The following TMEM130 variants were observed in gnomAD, a reference collection of about 807,000 sequenced individuals.
TMEM130 encodes the protein transmembrane protein 130.
In TMEM130, 37 loss-of-function variants were observed where a neutral mutation model predicts 42.9. That is an observed-to-expected ratio of 0.86 (90% CI 0.66 to 1.13). The LOEUF (loss-of-function observed/expected upper bound fraction) is 1.13, where lower values mean the gene tolerates loss of function less well. TMEM130 is among the 50% of genes most tolerant of loss of function. TMEM130 has a pLI of 0.00. For missense variants in TMEM130, 545 were observed against 562.6 expected (o/e 0.97, Z 0.32); for synonymous variants, 259 against 237.7 (o/e 1.09, Z -0.82).
chr7:98,866,747 C>A (rs1554400680), intron 1 of TMEM130: 1 of 152,246 alleles, frequency 6.6e-6, no homozygotes, highest in Non-Finnish European at 1.5e-5. Context: ...CTCACACGTT[C>A]GCTGCTTTGG....
chr7:98,860,268 C>G lies in TMEM130; in HGVS notation c.462G>C (p.Lys154Asn), dbSNP rs1323992670. The change falls in exon 3 of 8, where the codon AAG (lysine) becomes AAC (asparagine). Residue 154 changes from lysine to asparagine, a missense_variant. Physicochemically the swap from Lys to Asn is moderately conservative, Grantham distance 94. Transcript: ENST00000339375. ...GGAGGAAGGAGACTTTCAGGACGGT[C>G]TTAGTGAGATAGGAGCTGGGCCAGG... ...SLPWPSSYLT[K>N]TVLKVSFLLH... is the part of the protein sequence containing the mutation. The G allele has an allele frequency of 2.5e-6, 4 of 1,613,338 alleles. No homozygotes were observed. The Admixed American group carries it at 6.7e-5, about 27-fold the overall frequency.
At chr7:98,852,381 C>T (rs962431594) in intron 5 of TMEM130, among the ~76,000 whole-genome samples, 1 of 152,122 alleles carries the variant, frequency 6.6e-6, no homozygotes, top group South Asian at 2.1e-4. Flanking sequence ...CCGCCCGCCT[C>T]GGCCTCCCAA....
Position 98,863,383 on chromosome 7 carries a change from G to A in TMEM130, c.103C>T (p.Leu35Phe). 6.3e-7 allele frequency: 1 copy of A among 1,594,954 alleles called. No homozygotes were observed. The highest frequency in any genetic ancestry group is 1.1e-5 in the South Asian group (1 of 90,282). Reference protein sequence around the residue: ...GVAAGLYELNLTTDSPATTGA... With the variant: ...GVAAGLYELNFTTDSPATTGA... ...GTGGTGGCAGGGCTATCGGTGGTGA[G>A]ATTGAGTTCATACAGGCCTAGGAGC... Residue 35 changes from leucine (L) to phenylalanine (F), a missense_variant, in exon 2 of 8, where the codon CTC (leucine) becomes TTC (phenylalanine). Leu to Phe is a conservative substitution (Grantham distance 22). Coordinates refer to ENST00000339375, the MANE Select transcript of TMEM130 (RefSeq NM_152913.3).
At chr7:98,848,363 A>G in intron 7 of TMEM130, 155 bp from the exon 8 acceptor site, 1 of 865,024 alleles carries the variant, frequency 1.2e-6, no homozygotes, top group Non-Finnish European at 1.8e-6. Flanking sequence ...GGCACCACAC[A>G]GATGCAAGAG....
chr7:98,865,930 C>A (rs1031491944), intron 1 of TMEM130: 3 of 175,270 alleles, frequency 1.7e-5, no homozygotes, highest in Non-Finnish European at 3.6e-5. Context: ...AAGGTCCCCC[C>A]ACAAGTCCCC....
At chr7:98,861,786 G>A (rs1168287237) in intron 2 of TMEM130, among the ~76,000 whole-genome samples, 3 of 152,122 alleles carry the variant, frequency 2.0e-5, no homozygotes, top group Non-Finnish European at 4.4e-5. Flanking sequence ...AGCTCATTTG[G>A]AAAATGTTCA....
At position 98,855,289 on chromosome 7, in the gene TMEM130, G is replaced by T. The variant is rs1450280114; in HGVS notation, c.754C>A (p.Leu252Ile). The change falls in exon 5 of 8, where the codon CTA becomes ATA. Residue 252 changes from leucine to isoleucine, a missense_variant. Transcript: ENST00000339375. ...GTCATCTTTTGGAAGGTCTGAATTA[G>T]GGTGGGCCCCAACACTTGGATGCCT... ...LRGIQVLGPT[L>I]IQTFQKMTVT... 6.2e-7 allele frequency: 1 copy of T among 1,613,394 alleles called. No individual in the cohort carries two copies. Among genetic ancestry groups the T allele is most frequent in the African/African-American group, 1.3e-5 (1 of 74,946 alleles).
At chr7:98,864,506 C>T (rs1038198699) in intron 1 of TMEM130, among the ~76,000 whole-genome samples, 4 of 151,342 alleles carry the variant, frequency 2.6e-5, no homozygotes, top group Admixed American at 6.6e-5. Flanking sequence ...CATGAGCCAG[C>T]GTCCTCAACC....
intron 6 of TMEM130, among the ~76,000 whole-genome samples, chr7:98,850,136 A>G (rs1262451235): frequency 4.7e-5 from 7 of 149,164 alleles, no homozygotes; most frequent in Non-Finnish European, 8.9e-5. Context: ...TGCAGCCTCA[A>G]CCTCCTGGGC....
In TMEM130 at chr7:98,847,488, G is replaced by A. The variant is rs7788159; in HGVS notation, c.*568C>T. 0.18 allele frequency: 25,021 copies of A among 137,862 alleles called. 2,163 individuals carry two copies. The highest frequency in any genetic ancestry group is 0.35 in the South Asian group (1,485 of 4,218). 8.5% of individuals were successfully genotyped at this position (137,862 alleles called of 1,614,324 possible). ...TGATCATCTGAAATGCCCATGTGAC[G>A]CATGTGTTTATATTTCTGTGTGTGT... On this transcript the variant is annotated 3_prime_UTR_variant, in exon 8 of 8. Coordinates refer to ENST00000339375, the MANE Select transcript of TMEM130 (RefSeq NM_152913.3).
chr7:98,868,450 T>C (rs1554400941), intron 1 of TMEM130, among the ~76,000 whole-genome samples: 1 of 152,188 alleles, frequency 6.6e-6, no homozygotes, highest in African/African-American at 2.4e-5. Context: ...CTGAACATTC[T>C]AGAAAATGGC....
At chr7:98,855,551 T>C (rs1399391401) in intron 4 of TMEM130, among the ~76,000 whole-genome samples, 4 of 152,156 alleles carry the variant, frequency 2.6e-5, no homozygotes, top group African/African-American at 4.8e-5. Flanking sequence ...AAACACACAA[T>C]TGTCCTGCCC....
At chr7:98,858,273 G>A (rs910825082) in intron 3 of TMEM130, among the ~76,000 whole-genome samples, 1 of 152,196 alleles carries the variant, frequency 6.6e-6, no homozygotes, top group African/African-American at 2.4e-5. Flanking sequence ...AGGCACGGTG[G>A]CTCACACCTG....
At chr7:98,855,984 G>A (rs375936302) in intron 4 of TMEM130, 33 bp downstream of exon 4, 12 of 1,604,770 alleles carry the variant, frequency 7.5e-6, no homozygotes, top group East Asian at 2.2e-5. Context: ...ACTCTGGAAC[G>A]CCCAGACTGC....
chr7:98,863,568 T>TG (rs1794837649), intron 1 of TMEM130, among the ~76,000 whole-genome samples, 168 bp from the exon 2 acceptor site: 1 of 151,980 alleles, frequency 6.6e-6, no homozygotes, highest in Non-Finnish European at 1.5e-5. Context: ...ACATCAAACC[T>TG]GGGTCCCACT....
At chr7:98,860,098 G>T (rs1794727812) in intron 3 of TMEM130, 81 bp downstream of exon 3, 6 of 1,251,910 alleles carry the variant, frequency 4.8e-6, no homozygotes, top group East Asian at 2.7e-5. Context: ...AAGGTGAAGA[G>T]ATTCGGAGTA....
At chr7:98,851,380 T>C in intron 6 of TMEM130, 41 bp downstream of exon 6, 1 of 1,602,084 alleles carries the variant, frequency 6.2e-7, no homozygotes, top group Non-Finnish European at 8.5e-7. Context: ...AGGCTTGTGC[T>C]GCCCATGTGG....
At chr7:98,860,699 C>T (rs1326033457) in intron 2 of TMEM130, among the ~76,000 whole-genome samples, 1 of 152,026 alleles carries the variant, frequency 6.6e-6, no homozygotes, top group Non-Finnish European at 1.5e-5. Context: ...AATCCCAGCA[C>T]TTTGGGAGGC....
chr7:98,849,691 A>G (rs1459536897), intron 6 of TMEM130, among the ~76,000 whole-genome samples: 1 of 152,180 alleles, frequency 6.6e-6, no homozygotes, highest in African/African-American at 2.4e-5. Flanking sequence ...AGGGTTTGGC[A>G]TGAGCTTGGG....
Sources: gnomAD v4.1 joint callset for allele counts (sites outside exome capture counted in the v4.1 genomes callset) on GRCh38, gnomAD v4.1.1 for gene constraint, MANE v1.5 for transcripts, NCBI Gene and HGNC (gene_info 2026-07-23, HGNC 2026-07-21) for gene names.